The following R3HDM1 variants were observed in gnomAD, a reference collection of about 807,000 sequenced individuals.
R3HDM1 encodes R3H domain containing 1, also known as R3H domain-containing protein 1.
Under a neutral mutation model 141.1 loss-of-function variants are expected in R3HDM1, and 46 were observed. The ratio of observed to expected loss-of-function variants is 0.33; its 90% confidence interval spans 0.26 to 0.42. The LOEUF (loss-of-function observed/expected upper bound fraction) is 0.42. Among genes scored for constraint, R3HDM1 ranks in the 10% least tolerant of loss-of-function variants. The pLI is 1.00. For synonymous variants in R3HDM1, 435 were observed against 472.9 expected (o/e 0.92, Z 1.04); for missense variants, 1,184 against 1,368.3 (o/e 0.87, Z 2.12).
chr2:135,687,012 A>G (rs892247884), intron 21 of R3HDM1, among the ~76,000 whole-genome samples: 3 of 152,218 alleles, frequency 2.0e-5, no homozygotes, highest in African/African-American at 7.2e-5. Flanking sequence ...AGCCTGGCCA[A>G]CATGGTGAAA....
intron 5 of R3HDM1, among the ~76,000 whole-genome samples, chr2:135,618,278 AGCCT>A (rs2061229553): frequency 6.6e-6 from 1 of 150,906 alleles, no homozygotes; most frequent in African/African-American, 2.4e-5. Flanking sequence ...ATTCTGCCTC[AGCCT>A]GCCGAGTAGC....
intron 18 of R3HDM1, among the ~76,000 whole-genome samples, chr2:135,657,304 G>A (rs533496413): frequency 1.3e-5 from 2 of 151,604 alleles, no homozygotes; most frequent in Non-Finnish European, 2.9e-5. Flanking sequence ...CCAGCTACTC[G>A]GGAGACTGAG....
chr2:135,630,617 C>T lies in R3HDM1; in HGVS notation c.498-1101C>T, dbSNP rs1319050411. Among the ~76,000 whole-genome samples, 5 of 152,124 alleles carry T rather than the reference C, an allele frequency of 3.3e-5. No individual in the cohort carries two copies. The East Asian group carries it at 9.7e-4, about 29-fold the overall frequency. ...TGTAGGAGGAGAATCAAATGCAGGT[C>T]TGATGTGTAGACTTTCAGGTGACCA... On this transcript the variant is annotated intron_variant, in intron 7 of 26. Coordinates refer to ENST00000683871, the MANE Select transcript of R3HDM1 (RefSeq NM_001378107.1).
rs971242596 is a variant in R3HDM1 at position 135,655,667 on chromosome 2, C to T, written c.2028+3635C>T. ...GACTACAGGTGCCCGCCACCACGCC[C>T]GGCTAATTTTTTGTATTTTTAGTAG... On this transcript the variant is annotated intron_variant, in intron 18 of 26. Transcript: ENST00000683871. Among the ~76,000 whole-genome samples the T allele has an allele frequency of 4.0e-5, 6 of 151,854 alleles. No individual in the cohort carries two copies. In the South Asian group the frequency reaches 6.2e-4, roughly 16 times the overall value.
chr2:135,630,953 T>C (rs2062647648), intron 7 of R3HDM1, among the ~76,000 whole-genome samples: 1 of 152,162 alleles, frequency 6.6e-6, no homozygotes, highest in Non-Finnish European at 1.5e-5. Flanking sequence ...ACCCTAGTGA[T>C]CTAAAGGAGC....
At chr2:135,638,831 G>A in intron 13 of R3HDM1, 42 bp downstream of exon 13, 1 of 1,612,150 alleles carries the variant, frequency 6.2e-7, no homozygotes, top group Non-Finnish European at 8.5e-7. Context: ...AAAAATTAAA[G>A]CATTTTTTTC....
In R3HDM1 at chr2:135,678,870, G is replaced by A. The variant is rs370613612; in HGVS notation, c.2308-1303G>A. The stretch of plus-strand genomic sequence containing the variant: ...CCACCTTCTGGTTCAAGCAATTCTT[G>A]TGCCTCAGCCTCCTGAGTAACTGGG... On this transcript the variant is annotated intron_variant, in intron 20 of 26. Coordinates refer to ENST00000683871, the MANE Select transcript of R3HDM1 (RefSeq NM_001378107.1). Among the ~76,000 whole-genome samples the A allele has an allele frequency of 4.6e-4, 64 of 139,140 alleles. No individual in the cohort carries two copies. The East Asian group carries it at 9.5e-3, about 21-fold the overall frequency. The allele number at this position is 139,140 out of a possible 152,430, so 91.3% of individuals were successfully genotyped here.
chr2:135,678,071 T>A (rs1158041540), intron 20 of R3HDM1, among the ~76,000 whole-genome samples: 5 of 152,086 alleles, frequency 3.3e-5, no homozygotes, highest in African/African-American at 9.7e-5. Context: ...CTCAAGTGAT[T>A]CTCATGCTTC....
chr2:135,556,466 CTG>C lies in R3HDM1; in HGVS notation c.-250+24837_-250+24838del, dbSNP rs1386319964. On this transcript the variant is annotated intron_variant, in intron 1 of 26. Transcript: ENST00000683871. Reference sequence around the variant, plus strand: ...GAAAAAATCAACTAGACCTGGTAATCTGTGTTTAAGAGTAGCAGTTGATTGAT... The same window carrying C: ...GAAAAAATCAACTAGACCTGGTAATCTGTTTAAGAGTAGCAGTTGATTGAT... Among the ~76,000 whole-genome samples, 10 of 150,848 alleles carry C rather than the reference CTG, an allele frequency of 6.6e-5. 1 individual carries two copies. The South Asian group carries it at 1.9e-3, about 28-fold the overall frequency.
intron 7 of R3HDM1, among the ~76,000 whole-genome samples, chr2:135,630,974 A>ACT (rs2062651452): frequency 6.6e-6 from 1 of 151,974 alleles, no homozygotes; most frequent in Admixed American, 6.6e-5. Flanking sequence ...ACATACAGGT[A>ACT]CTCCCTAGAG....
At chr2:135,606,271 C>T (rs2060039710) in intron 3 of R3HDM1, 1 of 152,122 alleles carries the variant, frequency 6.6e-6, no homozygotes, top group Non-Finnish European at 1.5e-5. Flanking sequence ...GCTCAGGGGT[C>T]CCAGAGAGAA....
At chr2:135,560,747 C>CTGGAACAG (rs1398666291) in intron 1 of R3HDM1, among the ~76,000 whole-genome samples, 1 of 152,192 alleles carries the variant, frequency 6.6e-6, no homozygotes, top group Non-Finnish European at 1.5e-5. Context: ...TTCTGGGCAT[C>CTGGAACAG]TGGAACAGTA....
intron 1 of R3HDM1, among the ~76,000 whole-genome samples, chr2:135,594,458 C>G (rs1176093441): frequency 6.6e-6 from 1 of 152,148 alleles, no homozygotes; most frequent in Non-Finnish European, 1.5e-5. Context: ...TAGAGATACC[C>G]CCAGTCTTGT....
chr2:135,695,275 A>G (rs2073068968), intron 21 of R3HDM1, among the ~76,000 whole-genome samples: 1 of 152,234 alleles, frequency 6.6e-6, no homozygotes, highest in African/African-American at 2.4e-5. Context: ...TCTCCAATCA[A>G]AAATTACTGA....
chr2:135,542,467 A>C (rs192140669), intron 1 of R3HDM1, among the ~76,000 whole-genome samples: 2 of 152,048 alleles, frequency 1.3e-5, no homozygotes, highest in Admixed American at 6.5e-5. Flanking sequence ...TTCTTTTCTC[A>C]TTCTCCTTTT....
In R3HDM1 at chr2:135,650,030, G is replaced by A. The variant is rs1296790745; in HGVS notation, c.1725+27G>A. On this transcript the variant is annotated intron_variant, in intron 17 of 26. Coordinates refer to ENST00000683871, the MANE Select transcript of R3HDM1 (RefSeq NM_001378107.1). ...TACTATATCTCTATTCACCTCCTGCGTTGTTTCTGTGGGTGGATGTGTGAT... is the reference window on the plus strand; with the variant it reads ...TACTATATCTCTATTCACCTCCTGCATTGTTTCTGTGGGTGGATGTGTGAT... 3.2e-5 allele frequency: 39 copies of A among 1,203,564 alleles called. No homozygotes were observed. The Middle Eastern group carries it at 6.9e-4, about 21-fold the overall frequency. The allele number at this position is 1,203,564 out of a possible 1,614,324, so 74.6% of individuals were successfully genotyped here.
At chr2:135,710,742 G>T (rs1363738623) in intron 23 of R3HDM1, among the ~76,000 whole-genome samples, 1 of 152,110 alleles carries the variant, frequency 6.6e-6, no homozygotes, top group Non-Finnish European at 1.5e-5. Context: ...AACTTAAAAA[G>T]ATAAACTAGA....
intron 19 of R3HDM1, among the ~76,000 whole-genome samples, chr2:135,673,054 C>T (rs898118568): frequency 2.6e-5 from 4 of 152,138 alleles, no homozygotes; most frequent in African/African-American, 9.7e-5. Context: ...TTGCAGTGAG[C>T]CAAGATTGCA....
intron 1 of R3HDM1, among the ~76,000 whole-genome samples, chr2:135,571,864 G>A (rs1430944957): frequency 2.0e-5 from 3 of 152,156 alleles, no homozygotes; most frequent in African/African-American, 4.8e-5. Flanking sequence ...GGACTCAAGC[G>A]ATCTACCCGC....
Sources: gnomAD v4.1 joint callset for allele counts (sites outside exome capture counted in the v4.1 genomes callset) on GRCh38, gnomAD v4.1.1 for gene constraint, MANE v1.5 for transcripts, NCBI Gene and HGNC (gene_info 2026-07-23, HGNC 2026-07-21) for gene names.